Variants in MYT1L observed in about 807,000 individuals in gnomAD.
The protein encoded by MYT1L is myelin transcription factor 1-like protein.
A neutral mutation model predicts 126.7 loss-of-function variants in MYT1L; 12 were observed. That is an observed-to-expected ratio of 0.09 (90% CI 0.06 to 0.15). The LOEUF (loss-of-function observed/expected upper bound fraction) is 0.15, where lower values mean the gene tolerates loss of function less well. Among genes scored for constraint, MYT1L ranks in the 10% least tolerant of loss-of-function variants. The pLI is 1.00. For missense variants in MYT1L, 979 were observed against 1,585.2 expected (o/e 0.62, Z 6.49); for synonymous variants, 541 against 604.2 (o/e 0.90, Z 1.53).
chr2:2,055,886 A>G (rs1410362795), intron 3 of MYT1L, among the ~76,000 whole-genome samples: 1 of 152,192 alleles, frequency 6.6e-6, no homozygotes, highest in African/African-American at 2.4e-5. Context: ...CGTGTTGTCC[A>G]TCGTTGTTTT....
At chr2:2,215,244 T>TTGTTTAGATTCAC (rs2093644949) in intron 2 of MYT1L, among the ~76,000 whole-genome samples, 2 of 152,138 alleles carry the variant, frequency 1.3e-5, no homozygotes. Flanking sequence ...AACACAGTAA[T>TTGTTTAGATTCAC]AAAAATGCAG....
intron 21 of MYT1L, among the ~76,000 whole-genome samples, chr2:1,823,724 C>A (rs1274317692): frequency 6.6e-6 from 1 of 152,188 alleles, no homozygotes; most frequent in Non-Finnish European, 1.5e-5. Flanking sequence ...GTGGGTCAGG[C>A]TCCTGGCACG....
chr2:1,799,338 T>C lies in MYT1L; in HGVS notation c.3276+2358A>G, dbSNP rs147143592. Among the ~76,000 whole-genome samples the C allele has an allele frequency of 4.7e-3, 715 of 152,306 alleles. 7 individuals are homozygous for C. Among genetic ancestry groups the C allele is most frequent in the African/African-American group, 0.016 (670 of 41,572 alleles). On this transcript the variant is annotated intron_variant, in intron 23 of 24. Coordinates refer to ENST00000647738, the MANE Select transcript of MYT1L (RefSeq NM_001303052.2). Reference sequence around the variant, plus strand: ...AGGTGCAGAGCGTGCCTGGGGTTCCTACTCTAAGCAGCCTGCGTAGGCACA... The same window carrying C: ...AGGTGCAGAGCGTGCCTGGGGTTCCCACTCTAAGCAGCCTGCGTAGGCACA...
chr2:2,102,902 T>G (rs2078271968), intron 3 of MYT1L, among the ~76,000 whole-genome samples: 1 of 151,704 alleles, frequency 6.6e-6, no homozygotes, highest in South Asian at 2.1e-4. Flanking sequence ...ATAAGCAGCT[T>G]AAAAACAAAT....
rs147342401 is a variant in MYT1L, at chr2:1,935,330, A to G, written c.505+7652T>C. Among the ~76,000 whole-genome samples, 1,002 of 152,258 alleles carry G rather than the reference A, an allele frequency of 6.6e-3. 5 individuals carry two copies. The highest frequency in any genetic ancestry group is 0.024 in the Middle Eastern group (7 of 294). On this transcript the variant is annotated intron_variant, in intron 9 of 24. Coordinates refer to ENST00000647738, the MANE Select transcript of MYT1L (RefSeq NM_001303052.2). Reference sequence around the variant, plus strand: ...GCCCTTCTGGGCACAGAGAAAAAAAACACACCGTGTTTTGAAATGAGCTGT... The same window carrying G: ...GCCCTTCTGGGCACAGAGAAAAAAAGCACACCGTGTTTTGAAATGAGCTGT...
Position 2,059,468 on chromosome 2 carries a change from G to A in MYT1L, c.-303-5345C>T, listed in dbSNP as rs1317999682. Among the ~76,000 whole-genome samples, 1 of 151,984 alleles carries A rather than the reference G, an allele frequency of 6.6e-6. No individual in the cohort carries two copies. The highest frequency in any genetic ancestry group is 2.4e-5 in the African/African-American group (1 of 41,282). On this transcript the variant is annotated intron_variant, in intron 3 of 24. Transcript: ENST00000647738. The surrounding 1 kb of genome is among the most constrained non-coding windows in gnomAD (Gnocchi z 4.7). ...CTTTCCGTTTGTGTTGATGAGCAGAGCCCCCTGGAACCAGGTGCATTGCCC... is the reference window on the plus strand; with the variant it reads ...CTTTCCGTTTGTGTTGATGAGCAGAACCCCCTGGAACCAGGTGCATTGCCC...
chr2:2,104,564 A>G (rs767261288), intron 3 of MYT1L, among the ~76,000 whole-genome samples: 14 of 152,234 alleles, frequency 9.2e-5, no homozygotes, highest in Non-Finnish European at 2.1e-4. Flanking sequence ...AGCGGCTCCA[A>G]GGCTGGCTCG....
chr2:2,068,774 T>G lies in MYT1L; in HGVS notation c.-303-14651A>C, dbSNP rs13021076. Among the ~76,000 whole-genome samples, 492 of 130,188 alleles carry G rather than the reference T, an allele frequency of 3.8e-3. 13 individuals carry two copies. The highest frequency in any genetic ancestry group is 0.014 in the African/African-American group (463 of 32,580). The allele number at this position is 130,188 out of a possible 152,430, so 85.4% of individuals were successfully genotyped here. On this transcript the variant is annotated intron_variant, in intron 3 of 24. Coordinates refer to ENST00000647738, the MANE Select transcript of MYT1L (RefSeq NM_001303052.2). ...CAGACACCTGTGTTCTTCTTGTTTTTTTTTTTTTTTTTTTTTTTTTTTTTC... is the reference window on the plus strand; with the variant it reads ...CAGACACCTGTGTTCTTCTTGTTTTGTTTTTTTTTTTTTTTTTTTTTTTTC...
chr2:2,032,632 C>T (rs1467781573), intron 4 of MYT1L, among the ~76,000 whole-genome samples: 5 of 137,940 alleles, frequency 3.6e-5, no homozygotes, highest in South Asian at 2.5e-4. Flanking sequence ...GCCTCTCATC[C>T]TGTGGCCCAG....
intron 2 of MYT1L, among the ~76,000 whole-genome samples, chr2:2,242,676 T>C (rs2094461226): frequency 6.6e-6 from 1 of 152,186 alleles, no homozygotes; most frequent in Admixed American, 6.5e-5. Context: ...CCTCATAAGA[T>C]GTGATAGCTG....
chr2:1,953,940 G>A (rs73188443), intron 8 of MYT1L, among the ~76,000 whole-genome samples: 7,538 of 152,216 alleles, frequency 0.05, 562 homozygotes, highest in African/African-American at 0.16. Flanking sequence ...GGTTACCAGG[G>A]TGCTCTTTAA....
chr2:2,147,292 T>G (rs766701340), intron 3 of MYT1L, among the ~76,000 whole-genome samples: 1 of 152,318 alleles, frequency 6.6e-6, no homozygotes, highest in African/African-American at 2.4e-5. Context: ...AAACAAAACC[T>G]GGAAGGACTC....
At chr2:2,150,340 AT>A (rs1389642680) in intron 3 of MYT1L, among the ~76,000 whole-genome samples, 2 of 152,308 alleles carry the variant, frequency 1.3e-5, no homozygotes, top group East Asian at 1.9e-4. Flanking sequence ...TTTCATCTTG[AT>A]TTTTTGAGAT....
intron 2 of MYT1L, among the ~76,000 whole-genome samples, chr2:2,241,846 A>G (rs1407598869): frequency 2.0e-5 from 3 of 152,190 alleles, no homozygotes; most frequent in Non-Finnish European, 2.9e-5. Context: ...AAAAGAACAG[A>G]TACCGTACAA....
intron 3 of MYT1L, among the ~76,000 whole-genome samples, chr2:2,113,857 A>T (rs1419835183): frequency 5.3e-5 from 8 of 152,010 alleles, no homozygotes; most frequent in Admixed American, 5.2e-4. Context: ...TGCCTCCATT[A>T]CACAGATAGG....
chr2:2,219,426 C>T (rs982097140), intron 2 of MYT1L, among the ~76,000 whole-genome samples: 4 of 152,200 alleles, frequency 2.6e-5, no homozygotes, highest in Admixed American at 6.5e-5. Flanking sequence ...TAAATAGTAA[C>T]TTCTCTTAGA....
At chr2:2,310,110 A>G (rs1243361719) in intron 1 of MYT1L, among the ~76,000 whole-genome samples, 1 of 151,310 alleles carries the variant, frequency 6.6e-6, no homozygotes, top group Non-Finnish European at 1.5e-5. Flanking sequence ...ACTTTAGTAC[A>G]CTCTATCTAT....
intron 22 of MYT1L, among the ~76,000 whole-genome samples, chr2:1,807,350 G>A (rs55641683): frequency 0.032 from 4,901 of 152,292 alleles, 105 homozygotes; most frequent in East Asian, 0.071. Flanking sequence ...GGAGACCCCC[G>A]TGGCTGTGGC....
rs1406054747 is a variant in MYT1L at position 2,282,702 on chromosome 2, G to A, written c.-421+1702C>T. ...ATCCAACTTATGAAATTACAATAGA[G>A]AATTGATGAAGTATATTTCAGTGTA... On this transcript the variant is annotated intron_variant, in intron 2 of 24. Coordinates refer to ENST00000647738, the MANE Select transcript of MYT1L (RefSeq NM_001303052.2). Among the ~76,000 whole-genome samples, 5 of 152,322 alleles carry A rather than the reference G, an allele frequency of 3.3e-5. 1 individual carries two copies. In the South Asian group the frequency reaches 1.0e-3, roughly 32 times the overall value.
Sources: allele counts gnomAD v4.1 joint callset (sites outside exome capture counted in the v4.1 genomes callset), GRCh38; gene constraint gnomAD v4.1.1; non-coding constraint Gnocchi (gnomAD v3.1); transcripts MANE v1.5; gene names NCBI Gene and HGNC (gene_info 2026-07-23, HGNC 2026-07-21).